The following FANCA variants were observed in gnomAD, a reference collection of about 807,000 sequenced individuals.
FANCA encodes the protein FA complementation group A, also known as Fanconi anemia group A protein.
Under a neutral mutation model 194.3 loss-of-function variants are expected in FANCA, and 236 were observed. The ratio of observed to expected loss-of-function variants is 1.21; its 90% CI spans 1.09 to 1.35. The LOEUF is 1.35. Ranked by LOEUF, FANCA falls within the 40% of genes most tolerant of loss-of-function variation. FANCA has a pLI of 0.00. For missense variants in FANCA, 2,628 were observed against 1,813.9 expected (o/e 1.45, Z -8.15); for synonymous variants, 1,014 against 715.8 (o/e 1.42, Z -6.65).
At chr16:89,816,007 G>T in intron 1 of FANCA, 21 bp from the exon 2 acceptor site, 1 of 1,582,350 alleles carries the variant, frequency 6.3e-7, no homozygotes, top group Non-Finnish European at 8.7e-7. Flanking sequence ...AAGTCGGTTC[G>T]AAACCATCAC....
chr16:89,808,765 G>A (rs146145305), intron 5 of FANCA, among the ~76,000 whole-genome samples: 12 of 152,218 alleles, frequency 7.9e-5, no homozygotes, highest in East Asian at 1.9e-4. Context: ...AGTGTGCCCT[G>A]TGCATGTCCC....
chr16:89,791,783 G>T, intron 13 of FANCA, 144 bp downstream of exon 13: 2 of 1,111,394 alleles, frequency 1.8e-6, no homozygotes, highest in Non-Finnish European at 2.7e-6. Flanking sequence ...GACAAAGAAT[G>T]TTCCATCGAC....
intron 3 of FANCA, 83 bp from the exon 4 acceptor site, chr16:89,811,154 T>C: frequency 6.4e-7 from 1 of 1,563,680 alleles, no homozygotes; most frequent in Non-Finnish European, 8.8e-7. Context: ...TAAAATGCCT[T>C]ATTTTAAGAT....
chr16:89,795,347 C>T (rs889494759), intron 11 of FANCA, among the ~76,000 whole-genome samples: 4 of 151,296 alleles, frequency 2.6e-5, no homozygotes, highest in South Asian at 2.1e-4. Context: ...TTCTATTTTA[C>T]GCTGGGTGCG....
At chr16:89,789,775 T>C (rs2040008102) in intron 14 of FANCA, among the ~76,000 whole-genome samples, 1 of 151,636 alleles carries the variant, frequency 6.6e-6, no homozygotes, top group Non-Finnish European at 1.5e-5. Flanking sequence ...GCTCTTCAAA[T>C]GGAAACTTTA....
rs2143334079 is a variant in FANCA at position 89,770,037 on chromosome 16, T to C, written c.2317-13A>G. 1.2e-6 allele frequency: 2 copies of C among 1,612,302 alleles called. No homozygotes were observed. Among genetic ancestry groups the C allele is most frequent in the Non-Finnish European group, 1.7e-6 (2 of 1,179,556 alleles). ...TCAGGCTCGGGCCCTGCAACGAGAA[T>C]GAGGGTGGCAGAGCAGACTGCCCTC... On this transcript the variant is annotated splice_polypyrimidine_tract_variant and intron_variant, in intron 25 of 42. Transcript: ENST00000389301.
intron 14 of FANCA, among the ~76,000 whole-genome samples, chr16:89,788,945 C>T (rs1034067547): frequency 6.6e-6 from 1 of 152,124 alleles, no homozygotes; most frequent in Non-Finnish European, 1.5e-5. Context: ...CCACCACCAA[C>T]ACAGCACTTC....
chr16:89,739,873 A>C (rs529217413), intron 39 of FANCA, 121 bp downstream of exon 39: 23 of 1,550,568 alleles, frequency 1.5e-5, no homozygotes, highest in East Asian at 2.3e-5. Context: ...GTCCCAACTA[A>C]AATGGAGCTT....
intron 17 of FANCA, among the ~76,000 whole-genome samples, chr16:89,780,191 C>T (rs1302958327): frequency 6.6e-6 from 1 of 152,176 alleles, no homozygotes; most frequent in Non-Finnish European, 1.5e-5. Context: ...AAGGTTCAGA[C>T]CCCGTGATGT....
Position 89,751,453 on chromosome 16 carries a change from C to T in FANCA, c.3066+685G>A, listed in dbSNP as rs2038587492. ...CACCACTGTACTCTAGCCTGGGTGA[C>T]AGAGCAAGACCCTGTCCCAATAATA... On this transcript the variant is annotated intron_variant, in intron 31 of 42. Coordinates refer to ENST00000389301, the MANE Select transcript of FANCA (RefSeq NM_000135.4). 2.0e-5 allele frequency among the ~76,000 whole-genome samples: 3 copies of T among 152,096 alleles called. No individual in the cohort carries two copies. The South Asian group carries it at 6.2e-4, about 32-fold the overall frequency.
chr16:89,810,744 G>T lies in FANCA; in HGVS notation c.485C>A (p.Ser162Tyr), dbSNP rs1015108098. 6.2e-7 allele frequency: 1 copy of T among 1,613,026 alleles called. No individual in the cohort carries two copies. Among genetic ancestry groups the T allele is most frequent in the East Asian group, 2.2e-5 (1 of 44,892 alleles). ...AQYLLAHSMFSRLSFCQELWK... is the reference protein window; with the variant it reads ...AQYLLAHSMFYRLSFCQELWK... ...TAATTCTTGACAGAAGGAAAGACGG[G>T]AGAACATACTGTGTGCCAATAAATA... The change falls in exon 5 of 43, where the codon TCC (serine) becomes TAC (tyrosine). Residue 162 changes from serine (S) to tyrosine (Y), a missense_variant. Coordinates refer to ENST00000389301, the MANE Select transcript of FANCA (RefSeq NM_000135.4).
At chr16:89,779,738 C>G in intron 18 of FANCA, 131 bp downstream of exon 18, 1 of 787,284 alleles carries the variant, frequency 1.3e-6, no homozygotes, top group Non-Finnish European at 2.2e-6. Flanking sequence ...GAGCCCCAGA[C>G]GCTGGCAGGC....
At chr16:89,812,972 G>A (rs2040957451) in intron 3 of FANCA, among the ~76,000 whole-genome samples, 1 of 150,128 alleles carries the variant, frequency 6.7e-6, no homozygotes, top group Non-Finnish European at 1.5e-5. Context: ...GGCAGAGTTT[G>A]TAGTGAGCCG....
At chr16:89,779,842 A>T in intron 18 of FANCA, 27 bp downstream of exon 18, 1 of 1,599,112 alleles carries the variant, frequency 6.3e-7, no homozygotes, top group Non-Finnish European at 8.6e-7. Flanking sequence ...TGCAGCTGCT[A>T]GAGGCCTTTT....
chr16:89,808,274 A>G lies in FANCA; in HGVS notation c.596+20T>C. The G allele has an allele frequency of 6.2e-7, 1 of 1,611,668 alleles. No individual in the cohort carries two copies. Among genetic ancestry groups the G allele is most frequent in the Non-Finnish European group, 8.5e-7 (1 of 1,177,728 alleles). ...CTAGACTGCAAAAACAGTAACACTG[A>G]ATCATCATTAGCACGCTACCTTTCC... On this transcript the variant is annotated intron_variant, in intron 6 of 42. Coordinates refer to ENST00000389301, the MANE Select transcript of FANCA (RefSeq NM_000135.4).
chr16:89,775,433 G>A (rs1489633044), intron 21 of FANCA, among the ~76,000 whole-genome samples: 2 of 152,238 alleles, frequency 1.3e-5, no homozygotes, highest in Admixed American at 1.3e-4. Context: ...GAGAGCACCC[G>A]AGTCTGAAGC....
intron 31 of FANCA, among the ~76,000 whole-genome samples, chr16:89,750,289 G>A (rs2038539266): frequency 6.6e-6 from 1 of 151,786 alleles, no homozygotes; most frequent in African/African-American, 2.4e-5. Flanking sequence ...AGACCATCCT[G>A]GCTAACATGG....
intron 3 of FANCA, among the ~76,000 whole-genome samples, chr16:89,812,415 G>A (rs62054219): frequency 2.0e-4 from 30 of 151,900 alleles, no homozygotes; most frequent in Non-Finnish European, 3.8e-4. Flanking sequence ...GGGAGGCCGA[G>A]GCGGGTGGAT....
At chr16:89,810,538 C>A in intron 5 of FANCA, 169 bp downstream of exon 5, 1 of 640,144 alleles carries the variant, frequency 1.6e-6, no homozygotes, top group Non-Finnish European at 2.8e-6. Context: ...ATTGAAGGTA[C>A]TTCTTTCCAA....
Sources: allele counts gnomAD v4.1 joint callset (sites outside exome capture counted in the v4.1 genomes callset), GRCh38; gene constraint gnomAD v4.1.1; transcripts MANE v1.5; gene names NCBI Gene and HGNC (gene_info 2026-07-23, HGNC 2026-07-21).